The following TCF20 variants were observed in gnomAD, a reference collection of about 807,000 sequenced individuals.
TCF20 encodes the protein SPRE-binding protein.
In TCF20, 3 loss-of-function variants were observed where a neutral mutation model predicts 148.6. The ratio of observed to expected loss-of-function variants is 0.02; its 90% confidence interval spans 0.01 to 0.05. The LOEUF (loss-of-function observed/expected upper bound fraction) is 0.05. Among genes scored for constraint, TCF20 ranks in the 10% least tolerant of loss-of-function variants. The pLI is 1.00. For missense variants in TCF20, 2,350 were observed against 2,429.3 expected (o/e 0.97, Z 0.69); for synonymous variants, 1,049 against 909.5 (o/e 1.15, Z -2.76).
intron 1 of TCF20, among the ~76,000 whole-genome samples, chr22:42,295,641 C>T (rs997187569): frequency 6.6e-6 from 1 of 152,062 alleles, no homozygotes; most frequent in Admixed American, 6.5e-5. Flanking sequence ...CAGGGTTTCT[C>T]CATGTTGAGG....
At chr22:42,187,833 AACATATTCAGAAT>A (rs1937119826) in intron 2 of TCF20, among the ~76,000 whole-genome samples, 1 of 152,232 alleles carries the variant, frequency 6.6e-6, no homozygotes, top group Non-Finnish European at 1.5e-5. Context: ...GCAGATAAAG[AACATATTCAGAAT>A]ACACACAGCT....
chr22:42,165,981 GCT>G (rs895161213), intron 5 of TCF20, among the ~76,000 whole-genome samples: 4 of 152,162 alleles, frequency 2.6e-5, no homozygotes, highest in African/African-American at 9.7e-5. Flanking sequence ...AATAATGGTG[GCT>G]CTCTGTCCCC....
chr22:42,203,339 A>C (rs1938169092), intron 2 of TCF20, among the ~76,000 whole-genome samples: 1 of 152,090 alleles, frequency 6.6e-6, no homozygotes, highest in South Asian at 2.1e-4. Context: ...ACTCCTTATA[A>C]ATTTTACTTT....
chr22:42,285,782 A>C (rs951538346), upstream of TCF20, among the ~76,000 whole-genome samples: 1 of 151,972 alleles, frequency 6.6e-6, no homozygotes, highest in African/African-American at 2.4e-5. The surrounding 1 kb of genome is among the most constrained non-coding windows in gnomAD (Gnocchi z 4.2). Context: ...TCTTTAAACA[A>C]ACCATGCTCT....
At chr22:42,284,361 T>C (rs994102738), upstream of TCF20, among the ~76,000 whole-genome samples, 3 of 152,192 alleles carry the variant, frequency 2.0e-5, no homozygotes, top group African/African-American at 7.2e-5. Context: ...TTGGAGACTG[T>C]GGGGTAAAGG....
At chr22:42,238,942 C>G (rs1924128221) in intron 1 of TCF20, among the ~76,000 whole-genome samples, 1 of 150,446 alleles carries the variant, frequency 6.6e-6, no homozygotes, top group Admixed American at 6.7e-5. Flanking sequence ...ACGGTGAAAC[C>G]CTGTCTCTAC....
chr22:42,205,849 G>A lies in TCF20; in HGVS notation c.5655+3802C>T, dbSNP rs534145014. On this transcript the variant is annotated intron_variant, in intron 2 of 5. Transcript: ENST00000677622. ...TGCAGTGGCACCATCTTGGCTCACTGCAACCTCCGTCTCCTAGGCTCAAGC... is the reference window on the plus strand; with the variant it reads ...TGCAGTGGCACCATCTTGGCTCACTACAACCTCCGTCTCCTAGGCTCAAGC... Among the ~76,000 whole-genome samples the A allele has an allele frequency of 1.8e-3, 270 of 152,282 alleles. 2 individuals are homozygous for A. The highest frequency in any genetic ancestry group is 2.4e-4 in the Non-Finnish European group (16 of 68,034).
At chr22:42,309,608 G>A (rs556808643) in intron 1 of TCF20, among the ~76,000 whole-genome samples, 4 of 151,874 alleles carry the variant, frequency 2.6e-5, no homozygotes, top group Non-Finnish European at 5.9e-5. Context: ...CGTGCCCGTG[G>A]CCCTCCACAC....
intron 2 of TCF20, among the ~76,000 whole-genome samples, chr22:42,207,710 G>A (rs1938482635): frequency 6.6e-6 from 1 of 152,162 alleles, no homozygotes; most frequent in South Asian, 2.1e-4. Context: ...AGCTACTCAG[G>A]AGGCTGAGGC....
intron 1 of TCF20, among the ~76,000 whole-genome samples, chr22:42,254,262 A>G (rs1925597248): frequency 1.3e-5 from 2 of 152,310 alleles, no homozygotes; most frequent in East Asian, 3.9e-4. Context: ...CACACAGCAG[A>G]CTATTCTCCC....
At chr22:42,174,935 T>C (rs577686636) in intron 3 of TCF20, among the ~76,000 whole-genome samples, 18 of 151,470 alleles carry the variant, frequency 1.2e-4, no homozygotes, top group African/African-American at 4.1e-4. Flanking sequence ...CTGGGGCGGC[T>C]GAGGCAGGAG....
At position 42,247,459 on chromosome 22, in the gene TCF20, A is replaced by G. The variant is rs374532764; in HGVS notation, c.-37+22880T>C. 5.0e-5 allele frequency among the ~76,000 whole-genome samples: 7 copies of G among 140,228 alleles called. No homozygotes were observed. In the East Asian group the frequency reaches 6.2e-4, roughly 12 times the overall value. The allele number at this position is 140,228 out of a possible 152,430, so 92.0% of individuals were successfully genotyped here. A position where few individuals can be genotyped will look rare whatever the true frequency, so the allele number is the denominator to read the frequency against. On this transcript the variant is annotated intron_variant, in intron 1 of 5. Coordinates refer to ENST00000677622, the MANE Select transcript of TCF20 (RefSeq NM_001378418.1). ...CATCTCAAAAAAAAAAAAAAAAAAG[A>G]TAAGATGGAGAACAGAAAAGAGGAC... is the stretch of plus-strand genomic sequence containing the variant.
chr22:42,232,814 A>AG (rs1431237764), intron 1 of TCF20, among the ~76,000 whole-genome samples: 2 of 151,982 alleles, frequency 1.3e-5, no homozygotes, highest in African/African-American at 2.4e-5. Context: ...AGAAAAAAAA[A>AG]AAAAAAAACT....
intron 1 of TCF20, among the ~76,000 whole-genome samples, chr22:42,309,303 G>A (rs1248439801): frequency 6.6e-6 from 1 of 152,014 alleles, no homozygotes; most frequent in Non-Finnish European, 1.5e-5. Context: ...TCAGCTGGGA[G>A]GGGACACTGC....
chr22:42,213,390 G>A lies in TCF20; in HGVS notation c.1916C>T (p.Pro639Leu). 1 of 1,614,172 alleles carries A rather than the reference G, an allele frequency of 6.2e-7. No homozygotes were observed. Among genetic ancestry groups the A allele is most frequent in the Non-Finnish European group, 8.5e-7 (1 of 1,180,034 alleles). Reference protein sequence around the residue: ...EDDPAATQRPPSNGGAKETSH... With the variant: ...EDDPAATQRPLSNGGAKETSH... ...GGTTTCCTTTGCCCCACCATTGCTAGGTGGCCTTTGAGTGGCTGCAGGATC... is the reference window on the plus strand; with the variant it reads ...GGTTTCCTTTGCCCCACCATTGCTAAGTGGCCTTTGAGTGGCTGCAGGATC... Residue 639 changes from proline (P) to leucine (L), a missense_variant, in exon 2 of 6, where the codon CCT (proline) becomes CTT (leucine). This residue lies in a region of TCF20 where 1,641 missense variants were observed against 1,662.6 expected (regional missense o/e 0.99). Transcript: ENST00000677622.
intron 1 of TCF20, among the ~76,000 whole-genome samples, chr22:42,312,128 T>A (rs947520171): frequency 3.3e-5 from 5 of 152,164 alleles, no homozygotes; most frequent in Non-Finnish European, 5.9e-5. Flanking sequence ...TGGCCAACAT[T>A]ACACCAGGTG....
intron 1 of TCF20, among the ~76,000 whole-genome samples, chr22:42,223,069 A>C (rs1361767565): frequency 6.6e-6 from 1 of 152,192 alleles, no homozygotes; most frequent in Non-Finnish European, 1.5e-5. Flanking sequence ...GGATCACTTG[A>C]GCCTGGGAGG....
Position 42,210,764 on chromosome 22 carries a change from C to G in TCF20, c.4542G>C (p.Lys1514Asn). 6.2e-7 allele frequency: 1 copy of G among 1,614,074 alleles called. No homozygotes were observed. Among genetic ancestry groups the G allele is most frequent in the Middle Eastern group, 1.6e-4 (1 of 6,062 alleles). Reference protein sequence around the residue: ...APEANPKAEEKENDTVTISPK... With the variant: ...APEANPKAEENENDTVTISPK... ...GTGAAATCGTCACTGTATCGTTCTC[C>G]TTCTCTTCAGCCTTGGGGTTTGCCT... Residue 1514 changes from lysine to asparagine, a missense_variant, in exon 2 of 6, where the codon AAG becomes AAC. This residue lies in a region of TCF20 where 231 missense variants were observed against 213.7 expected (regional missense o/e 1.08). Transcript: ENST00000677622. The surrounding 1 kb of genome is among the most constrained non-coding windows in gnomAD (Gnocchi z 4.7).
At chr22:42,207,372 TC>T (rs987355806) in intron 2 of TCF20, among the ~76,000 whole-genome samples, 1 of 152,026 alleles carries the variant, frequency 6.6e-6, no homozygotes, top group Non-Finnish European at 1.5e-5. Flanking sequence ...TGTTTTTTTT[TC>T]CTCTGGGAAA....
Sources: allele counts gnomAD v4.1 joint callset (sites outside exome capture counted in the v4.1 genomes callset), GRCh38; gene constraint gnomAD v4.1.1; regional missense constraint gnomAD v4.1.1; non-coding constraint Gnocchi (gnomAD v3.1); transcripts MANE v1.5; gene names NCBI Gene and HGNC (gene_info 2026-07-23, HGNC 2026-07-21).